The following CTNNA3 variants were observed in gnomAD, a reference collection of about 807,000 sequenced individuals.
The protein encoded by CTNNA3 is catenin alpha 3.
CTNNA3 carries 76 observed loss-of-function variants against 95.7 expected under a neutral mutation model. The ratio of observed to expected loss-of-function variants is 0.79; its 90% CI spans 0.66 to 0.96. The LOEUF is 0.96. Among genes scored for constraint, CTNNA3 ranks in the 40% least tolerant of loss-of-function variants. CTNNA3 has a pLI of 0.00. For missense variants in CTNNA3, 1,191 were observed against 1,089.8 expected (o/e 1.09, Z -1.31); for synonymous variants, 431 against 374.4 (o/e 1.15, Z -1.74).
At chr10:66,838,783 C>T (rs1400778138) in intron 7 of CTNNA3, among the ~76,000 whole-genome samples, 1 of 152,154 alleles carries the variant, frequency 6.6e-6, no homozygotes, top group Non-Finnish European at 1.5e-5. Flanking sequence ...AGCACTAAGA[C>T]TTCGCTGAAT....
intron 14 of CTNNA3, among the ~76,000 whole-genome samples, chr10:66,093,941 G>A (rs923360190): frequency 2.6e-5 from 4 of 152,062 alleles, no homozygotes; most frequent in Non-Finnish European, 4.4e-5. Context: ...TTCTGCAAAT[G>A]TAGTGCTAAA....
intron 12 of CTNNA3, among the ~76,000 whole-genome samples, chr10:66,328,950 A>C (rs946015039): frequency 2.8e-5 from 4 of 141,600 alleles, no homozygotes; most frequent in Non-Finnish European, 4.6e-5. Context: ...ACACATATAA[A>C]TATAATTTTT....
intron 11 of CTNNA3, among the ~76,000 whole-genome samples, chr10:66,383,617 C>T (rs946215648): frequency 6.6e-6 from 1 of 152,050 alleles, no homozygotes; most frequent in Non-Finnish European, 1.5e-5. Context: ...TACTCCTTGA[C>T]AAGAGCAACC....
At chr10:66,954,850 T>C (rs1345271189) in intron 7 of CTNNA3, among the ~76,000 whole-genome samples, 5 of 152,132 alleles carry the variant, frequency 3.3e-5, no homozygotes, top group African/African-American at 1.2e-4. Context: ...GTAGAGAAAT[T>C]ACTGGACTAG....
At chr10:67,197,123 G>A (rs1486097046) in intron 6 of CTNNA3, among the ~76,000 whole-genome samples, 1 of 152,020 alleles carries the variant, frequency 6.6e-6, no homozygotes, top group African/African-American at 2.4e-5. Context: ...CATCATGTGT[G>A]TCCCACCTTC....
At chr10:67,204,728 A>G (rs1232780963) in intron 6 of CTNNA3, among the ~76,000 whole-genome samples, 1 of 152,178 alleles carries the variant, frequency 6.6e-6, no homozygotes, top group Non-Finnish European at 1.5e-5. Flanking sequence ...CAGCATTGCA[A>G]TAAAGATTTT....
chr10:67,226,724 A>C (rs1425709648), intron 5 of CTNNA3, among the ~76,000 whole-genome samples: 1 of 152,236 alleles, frequency 6.6e-6, no homozygotes, highest in Non-Finnish European at 1.5e-5. Flanking sequence ...GCTAATAAGA[A>C]GCTCTAAACC....
chr10:66,520,242 A>ATTATT (rs1186356819), intron 11 of CTNNA3, among the ~76,000 whole-genome samples: 1 of 114,618 alleles, frequency 8.7e-6, no homozygotes, highest in Non-Finnish European at 1.8e-5. Flanking sequence ...ATTTAGTATT[A>ATTATT]TTCTTTTTTT....
intron 5 of CTNNA3, among the ~76,000 whole-genome samples, chr10:67,475,433 T>C (rs1280785063): frequency 4.6e-5 from 7 of 152,180 alleles, no homozygotes; most frequent in Admixed American, 4.6e-4. Context: ...CAAAAAAATC[T>C]GTCATAAAAA....
chr10:66,792,552 A>G (rs1024135882), intron 7 of CTNNA3, among the ~76,000 whole-genome samples: 1 of 152,036 alleles, frequency 6.6e-6, no homozygotes, highest in Non-Finnish European at 1.5e-5. Flanking sequence ...GAATACTCCA[A>G]TCTAAATCCA....
intron 5 of CTNNA3, among the ~76,000 whole-genome samples, chr10:67,442,265 C>T (rs1846550461): frequency 6.6e-6 from 1 of 151,708 alleles, no homozygotes; most frequent in African/African-American, 2.4e-5. Context: ...AATCATACCA[C>T]CAAAGAAAAT....
At chr10:66,689,096 G>A (rs1054442719) in intron 9 of CTNNA3, among the ~76,000 whole-genome samples, 2 of 57,258 alleles carry the variant, frequency 3.5e-5, no homozygotes, top group Non-Finnish European at 6.7e-5. Flanking sequence ...GCACGTGTGT[G>A]TATCCATGAA....
At chr10:66,558,025 C>A (rs1254307547) in intron 10 of CTNNA3, among the ~76,000 whole-genome samples, 4 of 152,044 alleles carry the variant, frequency 2.6e-5, no homozygotes, top group Non-Finnish European at 5.9e-5. Flanking sequence ...CAATCATACT[C>A]CTTACCCTTG....
At chr10:66,293,394 TAG>T (rs1004804572) in intron 12 of CTNNA3, among the ~76,000 whole-genome samples, 3 of 151,678 alleles carry the variant, frequency 2.0e-5, no homozygotes, top group Non-Finnish European at 4.4e-5. Context: ...TGAGAAAAAG[TAG>T]AGTTGAGATT....
intron 16 of CTNNA3, among the ~76,000 whole-genome samples, chr10:65,981,846 T>G (rs940533502): frequency 2.0e-5 from 3 of 151,716 alleles, no homozygotes; most frequent in African/African-American, 7.3e-5. Flanking sequence ...AAAAATCAAC[T>G]CAAGGTGAAT....
At chr10:66,575,658 A>G (rs1262765253) in intron 10 of CTNNA3, among the ~76,000 whole-genome samples, 1 of 152,030 alleles carries the variant, frequency 6.6e-6, no homozygotes, top group Non-Finnish European at 1.5e-5. Context: ...CTCTCTCTAA[A>G]CTCCAAAGCC....
At chr10:67,348,823 T>TGGTTTGG (rs1170089075) in intron 5 of CTNNA3, among the ~76,000 whole-genome samples, 6 of 152,076 alleles carry the variant, frequency 3.9e-5, no homozygotes, top group African/African-American at 1.2e-4. Context: ...TATCACCATA[T>TGGTTTGG]ATCTGATAAG....
chr10:66,573,181 AT>A (rs1188725796), intron 10 of CTNNA3, among the ~76,000 whole-genome samples: 2 of 152,118 alleles, frequency 1.3e-5, no homozygotes, highest in Non-Finnish European at 2.9e-5. Flanking sequence ...AGTGTGATAT[AT>A]TTTTCTCAAA....
rs781532154 is a variant in CTNNA3, at chr10:67,539,483, C to T, written c.459+20G>A. The stretch of plus-strand genomic sequence containing the variant: ...GAAGTGAAGACAATGCCAAGGTAAA[C>T]TAAGCCATCTTTTACTTACAGCTGA... On this transcript the variant is annotated intron_variant, in intron 4 of 17. Coordinates refer to ENST00000433211, the MANE Select transcript of CTNNA3 (RefSeq NM_013266.4). 1 of 1,610,674 alleles carries T rather than the reference C, an allele frequency of 6.2e-7. No individual in the cohort carries two copies. Among genetic ancestry groups the T allele is most frequent in the Non-Finnish European group, 8.5e-7 (1 of 1,177,512 alleles).
Sources: allele counts gnomAD v4.1 joint callset (sites outside exome capture counted in the v4.1 genomes callset), GRCh38; gene constraint gnomAD v4.1.1; transcripts MANE v1.5; gene names NCBI Gene and HGNC (gene_info 2026-07-23, HGNC 2026-07-21).